Variants in HAUS7 observed in about 807,000 individuals in gnomAD.
HAUS7 encodes the protein HAUS augmin like complex subunit 7, also known as HAUS augmin-like complex subunit 7.
Under a neutral mutation model 28.4 loss-of-function variants are expected in HAUS7, and 3 were observed. That is an observed-to-expected ratio of 0.11 (90% CI 0.05 to 0.27). The LOEUF (loss-of-function observed/expected upper bound fraction) is 0.27. Among genes scored for constraint, HAUS7 ranks in the 10% least tolerant of loss-of-function variants. The pLI is 1.00. For missense variants in HAUS7, 284 were observed against 297.3 expected, an observed-to-expected ratio of 0.96 and a Z score of 0.33; for synonymous variants, 165 against 132.1, an observed-to-expected ratio of 1.25 and a Z score of -1.71.
At chrX:153,463,575 A>G (rs1569531052) in intron 3 of HAUS7, among the ~76,000 whole-genome samples, 2 of 112,456 alleles carry the variant, frequency 1.8e-5, no homozygotes, top group African/African-American at 3.2e-5. Flanking sequence ...ACAGTGGGCC[A>G]GGGGTGTCGT....
chrX:153,486,697 C>G (rs1556988625), intron 1 of HAUS7: 1 of 983,090 alleles, frequency 1.0e-6, no homozygotes, highest in Non-Finnish European at 1.3e-6. Flanking sequence ...CTCCACACAC[C>G]TGGAGAACAA....
intron 1 of HAUS7, among the ~76,000 whole-genome samples, chrX:153,479,891 G>T (rs1213018810): frequency 9.0e-6 from 1 of 111,668 alleles, no homozygotes; most frequent in African/African-American, 3.3e-5. Context: ...TTAAGGAGGA[G>T]CTGCTCCATA....
chrX:153,466,113 C>T (rs1427535265), intron 2 of HAUS7, among the ~76,000 whole-genome samples: 2 of 112,637 alleles, frequency 1.8e-5, no homozygotes, highest in African/African-American at 6.5e-5. Context: ...TTGGCTGCCT[C>T]CACAGCACCA....
intron 1 of HAUS7, chrX:153,481,102 C>T (rs896558132): frequency 1.4e-5 from 9 of 640,498 alleles, no homozygotes; most frequent in African/African-American, 2.4e-5. Flanking sequence ...GGCACTGCCC[C>T]GTTCCCGGTG....
rs1465804107 is a variant in HAUS7, at chrX:153,448,979, C to T, written c.1046-1070G>A. Among the ~76,000 whole-genome samples the T allele has an allele frequency of 9.8e-5, 11 of 112,498 alleles. No homozygotes were observed. The Admixed American group carries it at 1.0e-3, about 11-fold the overall frequency. ...AACCAGATGGAGAACACTGCACACA[C>T]AATAAACCCAATCACACAGACAGCC... On this transcript the variant is annotated intron_variant, in intron 9 of 9. Coordinates refer to ENST00000370211, the MANE Select transcript of HAUS7 (RefSeq NM_001385482.1).
At position 153,457,134 on chromosome X, in the gene HAUS7, T is replaced by G; in HGVS notation, c.446+3A>C. 1 of 1,157,227 alleles carries G rather than the reference T, an allele frequency of 8.6e-7. No individual in the cohort carries two copies. Among genetic ancestry groups the G allele is most frequent in the Non-Finnish European group, 1.2e-6 (1 of 845,461 alleles). ...TGCCCACCTGGGCCATCCACACCTTTACCTCGAGCAACTGGAGCACCCAAT... is the reference window on the plus strand; with the variant it reads ...TGCCCACCTGGGCCATCCACACCTTGACCTCGAGCAACTGGAGCACCCAAT... On this transcript the variant is annotated splice_donor_region_variant and intron_variant, in intron 5 of 9. Transcript: ENST00000370211.
At chrX:153,480,047 C>T (rs1202703468) in intron 1 of HAUS7, among the ~76,000 whole-genome samples, 1 of 111,955 alleles carries the variant, frequency 8.9e-6, no homozygotes, top group Non-Finnish European at 1.9e-5. Context: ...TGTGCCAGGT[C>T]GCAGCGACCC....
intron 3 of HAUS7, chrX:153,463,229 G>A (rs1448277469): frequency 1.7e-5 from 5 of 295,230 alleles, no homozygotes; most frequent in African/African-American, 1.4e-4. Flanking sequence ...CAGAAAGCCT[G>A]GGGCCGATGC....
chrX:153,481,216 C>A (rs966168288), intron 1 of HAUS7: 12 of 491,044 alleles, frequency 2.4e-5, no homozygotes, highest in Non-Finnish European at 3.0e-5. Flanking sequence ...GCCCTTGGTG[C>A]CAAGGGGAGG....
At chrX:153,450,937 T>C (rs2089232055) in intron 9 of HAUS7, among the ~76,000 whole-genome samples, 1 of 111,996 alleles carries the variant, frequency 8.9e-6, no homozygotes, top group South Asian at 3.8e-4. Context: ...TTGGCGTGGA[T>C]TTGATGCTGA....
At chrX:153,489,173 G>T (rs1042534646) in intron 1 of HAUS7, among the ~76,000 whole-genome samples, 1 of 112,356 alleles carries the variant, frequency 8.9e-6, no homozygotes, top group African/African-American at 3.2e-5. Flanking sequence ...CAGCCCAGGG[G>T]ATTCCCCAGA....
intron 4 of HAUS7, chrX:153,461,849 A>T: frequency 3.3e-6 from 1 of 306,224 alleles, no homozygotes; most frequent in East Asian, 4.9e-5. Context: ...AAAGTTAAGC[A>T]CAGAGTGACC....
intron 5 of HAUS7, chrX:153,456,925 C>T (rs1556982381): frequency 9.1e-6 from 4 of 440,838 alleles, no homozygotes; most frequent in East Asian, 3.7e-5. Flanking sequence ...TACTCACCCC[C>T]GGGGCCTTGG....
intron 1 of HAUS7, chrX:153,495,034 CCGGACAGATAGACGTG>C (rs1240086888): frequency 9.1e-6 from 1 of 109,840 alleles, no homozygotes; most frequent in African/African-American, 3.3e-5. Flanking sequence ...GCCGGACACA[CCGGACAGATAGACGTG>C]CGGACGGCCC....
At chrX:153,474,741 G>C, upstream of HAUS7, among the ~76,000 whole-genome samples, 1 of 103,277 alleles carries the variant, frequency 9.7e-6, no homozygotes, top group Non-Finnish European at 2.0e-5. Flanking sequence ...GGGGGCGCGG[G>C]CGCTGGCGCG....
intron 1 of HAUS7, among the ~76,000 whole-genome samples, chrX:153,488,892 G>A (rs2089655160): frequency 8.8e-6 from 1 of 113,125 alleles, no homozygotes; most frequent in African/African-American, 3.2e-5. Context: ...GAGGGCAGGG[G>A]CCAGGCAGGC....
chrX:153,488,705 G>A (rs1360162233), intron 1 of HAUS7, among the ~76,000 whole-genome samples: 4 of 112,888 alleles, frequency 3.5e-5, no homozygotes, highest in African/African-American at 1.3e-4. Flanking sequence ...CCCGGTCCCT[G>A]CGCCTCTTGC....
At chrX:153,449,521 C>A (rs2089211566) in intron 9 of HAUS7, among the ~76,000 whole-genome samples, 1 of 112,864 alleles carries the variant, frequency 8.9e-6, no homozygotes, top group South Asian at 3.6e-4. Context: ...ACCTCCATCC[C>A]GGCCTTCCTG....
At chrX:153,470,366 G>C (rs1301865178) in intron 1 of HAUS7, 84 bp downstream of exon 1, 1 of 1,006,884 alleles carries the variant, frequency 9.9e-7, no homozygotes, top group African/African-American at 1.9e-5. Flanking sequence ...TGGCGCCGCG[G>C]ACTTCCGCAG....
Sources: allele counts gnomAD v4.1 joint callset (sites outside exome capture counted in the v4.1 genomes callset), GRCh38; gene constraint gnomAD v4.1.1; transcripts MANE v1.5; gene names NCBI Gene and HGNC (gene_info 2026-07-23, HGNC 2026-07-21).